Variants in FECH observed in about 807,000 individuals in gnomAD.
FECH encodes the protein ferrochelatase.
FECH carries 40 observed loss-of-function variants against 56.9 expected under a neutral mutation model. That is an observed-to-expected ratio of 0.70 (90% confidence interval 0.55 to 0.92). FECH has a LOEUF of 0.92. Ranked by LOEUF, FECH falls within the 40% of genes least tolerant of loss-of-function variation. FECH has a pLI of 0.00. For synonymous variants in FECH, 175 were observed against 198.6 expected, an observed-to-expected ratio of 0.88 and a Z score of 1.00; for missense variants, 431 against 529.1, an observed-to-expected ratio of 0.81 and a Z score of 1.82.
intron 4 of FECH, among the ~76,000 whole-genome samples, chr18:57,567,462 T>G (rs1047058428): frequency 1.3e-5 from 2 of 152,242 alleles, no homozygotes; most frequent in Non-Finnish European, 2.9e-5. Flanking sequence ...TGTTTAAGCA[T>G]GTATAAAGTC....
chr18:57,575,527 C>T (rs562859025), intron 2 of FECH, among the ~76,000 whole-genome samples: 5 of 152,266 alleles, frequency 3.3e-5, no homozygotes, highest in South Asian at 2.1e-4. Flanking sequence ...ACTGCATCCT[C>T]GACCTCCCGG....
rs1299249998 is a variant in FECH, at chr18:57,548,700, T to G, written c.*2012A>C. On this transcript the variant is annotated 3_prime_UTR_variant, in exon 11 of 11. Transcript: ENST00000262093. The stretch of plus-strand genomic sequence containing the variant: ...ACACTTCTTACAGCAACAAATGCCA[T>G]GAGCAGTGATCTCAATAAATTCCTC... 1 of 152,250 alleles carries G rather than the reference T, an allele frequency of 6.6e-6. No individual in the cohort carries two copies. Among genetic ancestry groups the G allele is most frequent in the African/African-American group, 2.4e-5 (1 of 41,462 alleles). 9.4% of individuals were successfully genotyped at this position (152,250 alleles called of 1,614,324 possible).
At position 57,562,783 on chromosome 18, in the gene FECH, G is replaced by C. The variant is rs920431888; in HGVS notation, c.705+91C>G. 6.6e-6 allele frequency: 6 copies of C among 911,924 alleles called. No individual in the cohort carries two copies. The African/African-American group carries it at 9.8e-5, about 15-fold the overall frequency. 56.5% of individuals were successfully genotyped at this position (911,924 alleles called of 1,614,324 possible). On this transcript the variant is annotated intron_variant, in intron 6 of 10. Coordinates refer to ENST00000262093, the MANE Select transcript of FECH (RefSeq NM_000140.5). ...ACAATTTAAGCAAGGGAACAGTAAG[G>C]CTCAGAAGGACATCCACAAACCCAG...
intron 5 of FECH, among the ~76,000 whole-genome samples, chr18:57,563,557 G>A (rs892193404): frequency 1.9e-5 from 2 of 103,512 alleles, no homozygotes; most frequent in African/African-American, 3.9e-5. Context: ...TCCAGCCTGG[G>A]CAACAAGAGC....
rs2051145869 is a variant in FECH at position 57,573,620 on chromosome 18, CT to C, written c.195-256del. The stretch of plus-strand genomic sequence containing the variant: ...TCTTCACTCCGCTAGAAATGTTTCC[CT>C]TTTAAAGTCTCGGCCTGAAGAGAGA... On this transcript the variant is annotated intron_variant, in intron 2 of 10. Transcript: ENST00000262093. Among the ~76,000 whole-genome samples, 3 of 152,166 alleles carry C rather than the reference CT, an allele frequency of 2.0e-5. 1 individual carries two copies. Among genetic ancestry groups the C allele is most frequent in the South Asian group, 4.1e-4 (2 of 4,832 alleles).
At position 57,546,619 on chromosome 18, in the gene FECH, C is replaced by T. The variant is rs1446726335; in HGVS notation, c.*4093G>A. Among the ~76,000 whole-genome samples the T allele has an allele frequency of 6.6e-6, 1 of 152,190 alleles. No homozygotes were observed. Among genetic ancestry groups the T allele is most frequent in the African/African-American group, 2.4e-5 (1 of 41,450 alleles). ...TAGCCCACCTCTTGCATCAGCGTGACCTGGAGGTGAGACATGGAGTCAAAG... is the reference window on the plus strand; with the variant it reads ...TAGCCCACCTCTTGCATCAGCGTGATCTGGAGGTGAGACATGGAGTCAAAG... On this transcript the variant is annotated 3_prime_UTR_variant, in exon 11 of 11. Coordinates refer to ENST00000262093, the MANE Select transcript of FECH (RefSeq NM_000140.5).
rs2050697130 is a variant in FECH, at chr18:57,544,578, G to T, written c.*6134C>A. ...TGGTTGCAATTGATCAACAAGTATAGTTCACACATATCGACATTTTGTTTA... is the reference window on the plus strand; with the variant it reads ...TGGTTGCAATTGATCAACAAGTATATTTCACACATATCGACATTTTGTTTA... On this transcript the variant is annotated 3_prime_UTR_variant, in exon 11 of 11. Coordinates refer to ENST00000262093, the MANE Select transcript of FECH (RefSeq NM_000140.5). 6.6e-6 allele frequency among the ~76,000 whole-genome samples: 1 copy of T among 152,220 alleles called. No homozygotes were observed.
At chr18:57,569,024 A>G (rs1314774117) in intron 4 of FECH, among the ~76,000 whole-genome samples, 1 of 152,192 alleles carries the variant, frequency 6.6e-6, no homozygotes, top group Non-Finnish European at 1.5e-5. Context: ...CCTGAACCAG[A>G]GCAGGGAAGC....
intron 7 of FECH, among the ~76,000 whole-genome samples, chr18:57,555,863 T>C (rs2050861085): frequency 1.3e-5 from 2 of 152,230 alleles, no homozygotes; most frequent in Admixed American, 1.3e-4. Context: ...GCGCAGTGGC[T>C]CACGCCTGTA....
At chr18:57,572,226 G>A (rs1414036031) in intron 3 of FECH, among the ~76,000 whole-genome samples, 1 of 152,128 alleles carries the variant, frequency 6.6e-6, no homozygotes, top group East Asian at 1.9e-4. Flanking sequence ...GAATACTAAT[G>A]CAGCCATAAA....
intron 7 of FECH, among the ~76,000 whole-genome samples, chr18:57,556,086 AC>A (rs573447298): frequency 3.4e-4 from 52 of 152,308 alleles, no homozygotes; most frequent in African/African-American, 1.2e-3. Flanking sequence ...CCGAGATTGC[AC>A]CAGTGCACTC....
chr18:57,581,742 C>A (rs1220427293), intron 1 of FECH, among the ~76,000 whole-genome samples: 1 of 152,184 alleles, frequency 6.6e-6, no homozygotes, highest in Non-Finnish European at 1.5e-5. Flanking sequence ...GCAGTGTCCA[C>A]CATGTGATTA....
At chr18:57,563,320 G>A (rs1213219414) in intron 5 of FECH, among the ~76,000 whole-genome samples, 2 of 152,024 alleles carry the variant, frequency 1.3e-5, no homozygotes, top group Non-Finnish European at 2.9e-5. Flanking sequence ...GGTGGCTCAC[G>A]CCTGTAATCC....
chr18:57,569,968 G>A (rs2051073186), intron 4 of FECH, among the ~76,000 whole-genome samples: 1 of 150,394 alleles, frequency 6.6e-6, no homozygotes, highest in South Asian at 2.1e-4. Context: ...CAAATAGCTG[G>A]GCCTACAGGC....
At position 57,555,083 on chromosome 18, in the gene FECH, A is replaced by G; in HGVS notation, c.805-131T>C. On this transcript the variant is annotated intron_variant, in intron 7 of 10. Transcript: ENST00000262093. Reference sequence around the variant, plus strand: ...TTCTGTCTCCTGCACCAATGATGATATGGTCTGAGTTCAATCACCAAACTT... The same window carrying G: ...TTCTGTCTCCTGCACCAATGATGATGTGGTCTGAGTTCAATCACCAAACTT... 4 of 740,904 alleles carry G rather than the reference A, an allele frequency of 5.4e-6. No individual in the cohort carries two copies. In the East Asian group the frequency reaches 1.1e-4, roughly 20 times the overall value. The allele number at this position is 740,904 out of a possible 1,614,324, so 45.9% of individuals were successfully genotyped here.
chr18:57,570,309 T>C (rs1478236876), intron 4 of FECH, among the ~76,000 whole-genome samples: 3 of 152,208 alleles, frequency 2.0e-5, no homozygotes, highest in Non-Finnish European at 4.4e-5. Context: ...ACGGAGGAAC[T>C]GCATAAGAAA....
intron 2 of FECH, among the ~76,000 whole-genome samples, chr18:57,574,023 G>T (rs1315073971): frequency 6.6e-6 from 1 of 152,068 alleles, no homozygotes; most frequent in East Asian, 1.9e-4. Flanking sequence ...TTTTATTTTT[G>T]AAATGGATTC....
chr18:57,569,682 CA>C (rs2051067883), intron 4 of FECH, among the ~76,000 whole-genome samples: 1 of 152,126 alleles, frequency 6.6e-6, no homozygotes, highest in African/African-American at 2.4e-5. Flanking sequence ...TTCAGCCTCC[CA>C]AACTGCTGGG....
intron 6 of FECH, among the ~76,000 whole-genome samples, chr18:57,559,737 T>C (rs1039430538): frequency 1.3e-5 from 2 of 152,244 alleles, no homozygotes; most frequent in Non-Finnish European, 2.9e-5. Context: ...CAGTTTCTTC[T>C]GAGCCTCATA....
Sources: allele counts gnomAD v4.1 joint callset (sites outside exome capture counted in the v4.1 genomes callset), GRCh38; gene constraint gnomAD v4.1.1; transcripts MANE v1.5; gene names NCBI Gene and HGNC (gene_info 2026-07-23, HGNC 2026-07-21).